Variants in TTC29 observed in about 807,000 individuals in gnomAD.
The protein encoded by TTC29 is tetratricopeptide repeat domain 29, also known as tetratricopeptide repeat protein 29.
TTC29 carries 49 observed loss-of-function variants against 58.1 expected under a neutral mutation model. The observed-to-expected ratio is 0.84, with a 90% CI of 0.67 to 1.07. The LOEUF (loss-of-function observed/expected upper bound fraction) is 1.07. Among genes scored for constraint, TTC29 ranks in the 50% least tolerant of loss-of-function variants. The pLI, the probability that TTC29 is intolerant of heterozygous loss-of-function variation, is 0.00. For synonymous variants in TTC29, 209 were observed against 196.8 expected, an observed-to-expected ratio of 1.06 and a Z score of -0.52; for missense variants, 582 against 555.6, an observed-to-expected ratio of 1.05 and a Z score of -0.48.
At chr4:146,842,552 G>T (rs112802699) in intron 8 of TTC29, among the ~76,000 whole-genome samples, 21 of 151,484 alleles carry the variant, frequency 1.4e-4, no homozygotes, top group African/African-American at 5.1e-4. Context: ...AGAACCAGAA[G>T]AGTTTAAATA....
intron 6 of TTC29, 99 bp from the exon 7 acceptor site, chr4:146,875,027 C>T (rs764048465): frequency 7.0e-6 from 6 of 861,872 alleles, no homozygotes; most frequent in African/African-American, 3.4e-5. Flanking sequence ...TGGAGAAACA[C>T]CGAGGATTAT....
At chr4:146,742,790 CTCTT>C (rs1293937534) in intron 11 of TTC29, among the ~76,000 whole-genome samples, 1 of 144,836 alleles carries the variant, frequency 6.9e-6, no homozygotes, top group Non-Finnish European at 1.5e-5. Flanking sequence ...TCTTTTCCTC[CTCTT>C]TCTTCCTCCT....
intron 6 of TTC29, among the ~76,000 whole-genome samples, chr4:146,900,196 C>T (rs185339493): frequency 7.9e-5 from 12 of 152,310 alleles, no homozygotes; most frequent in African/African-American, 2.9e-4. Flanking sequence ...TTCATCAACA[C>T]TGACTTACTT....
In TTC29 at chr4:146,867,620, A is replaced by G. The variant is rs112338218; in HGVS notation, c.800-37T>C. On this transcript the variant is annotated intron_variant, in intron 7 of 12. Coordinates refer to ENST00000325106, the MANE Select transcript of TTC29 (RefSeq NM_031956.4). ...ATGTAAAAAAATTACCAAGTATTCAATAAATGATTTATTACAACAAACAGA... is the reference window on the plus strand; with the variant it reads ...ATGTAAAAAAATTACCAAGTATTCAGTAAATGATTTATTACAACAAACAGA... The G allele has an allele frequency of 1.2e-4, 117 of 988,226 alleles. No homozygotes were observed. The African/African-American group carries it at 1.7e-3, about 15-fold the overall frequency. 61.2% of individuals were successfully genotyped at this position (988,226 alleles called of 1,614,324 possible).
chr4:146,807,188 A>G (rs1396599420), intron 10 of TTC29, among the ~76,000 whole-genome samples: 1 of 152,230 alleles, frequency 6.6e-6, no homozygotes, highest in Non-Finnish European at 1.5e-5. Context: ...CTTTGAAACC[A>G]ATGAGAACAA....
At chr4:146,727,822 T>A (rs1743905018) in intron 11 of TTC29, among the ~76,000 whole-genome samples, 1 of 152,232 alleles carries the variant, frequency 6.6e-6, no homozygotes, top group Non-Finnish European at 1.5e-5. Context: ...CAGGTGTTTA[T>A]GTAGACATGT....
rs141238476 is a variant in TTC29, at chr4:146,807,502, T to C, written c.1102-3817A>G. 8.5e-3 allele frequency among the ~76,000 whole-genome samples: 1,292 copies of C among 151,864 alleles called. 13 individuals are homozygous for C. The highest frequency in any genetic ancestry group is 0.03 in the African/African-American group (1,242 of 41,394). On this transcript the variant is annotated intron_variant, in intron 10 of 12. Coordinates refer to ENST00000325106, the MANE Select transcript of TTC29 (RefSeq NM_031956.4). ...ACAGATAGAATGCTAGCCAGAATAA[T>C]CAAGAAGAAAAGAGAGAAGAATCAA...
At chr4:146,786,049 T>A (rs1255506427) in intron 11 of TTC29, among the ~76,000 whole-genome samples, 2 of 152,042 alleles carry the variant, frequency 1.3e-5, no homozygotes, top group East Asian at 3.9e-4. Flanking sequence ...TTGGTTGGTT[T>A]GGGATACCAG....
intron 8 of TTC29, among the ~76,000 whole-genome samples, chr4:146,863,203 G>A (rs191650540): frequency 1.5e-4 from 23 of 151,510 alleles, no homozygotes; most frequent in Admixed American, 7.2e-4. Flanking sequence ...GAGTTCTCTC[G>A]TTCCAGCCCA....
At chr4:146,764,212 T>A (rs1183620011) in intron 11 of TTC29, 1 of 152,112 alleles carries the variant, frequency 6.6e-6, no homozygotes, top group Non-Finnish European at 1.5e-5. Flanking sequence ...AAGAGTGGTA[T>A]AGGGGAGAAA....
At chr4:146,855,976 G>A (rs1238770759) in intron 8 of TTC29, among the ~76,000 whole-genome samples, 1 of 152,102 alleles carries the variant, frequency 6.6e-6, no homozygotes, top group African/African-American at 2.4e-5. Context: ...GCTGTGCGTT[G>A]CCTCTAGGTC....
chr4:146,921,967 T>A (rs1347733261), intron 4 of TTC29, among the ~76,000 whole-genome samples: 1 of 140,812 alleles, frequency 7.1e-6, no homozygotes, highest in Non-Finnish European at 1.5e-5. Context: ...ATGACACACT[T>A]ACTAAGCATG....
intron 5 of TTC29, among the ~76,000 whole-genome samples, chr4:146,905,425 A>G (rs1733457392): frequency 2.6e-5 from 4 of 150,950 alleles, no homozygotes; most frequent in South Asian, 4.2e-4. Context: ...ACATTTCATA[A>G]GGTTTTTTTT....
intron 4 of TTC29, among the ~76,000 whole-genome samples, chr4:146,916,635 T>G (rs4835355): frequency 0.47 from 70,475 of 150,916 alleles, 17,200 homozygotes; most frequent in African/African-American, 0.6. Context: ...TAAATTTACA[T>G]GATTTCCAAT....
At chr4:146,890,788 G>A (rs1732302804) in intron 6 of TTC29, among the ~76,000 whole-genome samples, 2 of 152,200 alleles carry the variant, frequency 1.3e-5, no homozygotes, top group African/African-American at 2.4e-5. Flanking sequence ...CCAGAAGCCA[G>A]AAAGTTCTCT....
intron 11 of TTC29, among the ~76,000 whole-genome samples, chr4:146,769,557 G>A (rs1747568101): frequency 6.6e-6 from 1 of 151,906 alleles, no homozygotes; most frequent in African/African-American, 2.4e-5. Context: ...AGATGCAAAA[G>A]CACTTTACAC....
intron 11 of TTC29, among the ~76,000 whole-genome samples, chr4:146,752,840 G>C (rs1025377317): frequency 2.0e-5 from 3 of 152,146 alleles, no homozygotes; most frequent in Non-Finnish European, 4.4e-5. Flanking sequence ...GGGAAAACTG[G>C]CTAGCCATAC....
chr4:146,765,893 C>T (rs1462919955), intron 11 of TTC29, among the ~76,000 whole-genome samples: 1 of 152,028 alleles, frequency 6.6e-6, no homozygotes. Flanking sequence ...GTTTTTAAAG[C>T]TTCAACTCTC....
At chr4:146,828,237 G>A (rs148202939) in intron 9 of TTC29, among the ~76,000 whole-genome samples, 25 of 152,152 alleles carry the variant, frequency 1.6e-4, no homozygotes, top group Admixed American at 3.9e-4. Context: ...GAGGTTCACC[G>A]ATTATTTTAA....
Sources: gnomAD v4.1 joint callset for allele counts (sites outside exome capture counted in the v4.1 genomes callset) on GRCh38, gnomAD v4.1.1 for gene constraint, MANE v1.5 for transcripts, NCBI Gene and HGNC (gene_info 2026-07-23, HGNC 2026-07-21) for gene names.